Variants in CEP170 observed in about 807,000 individuals in gnomAD.
CEP170 encodes the protein centrosomal protein of 170 kDa.
Under a neutral mutation model 151.9 loss-of-function variants are expected in CEP170, and 21 were observed. The observed-to-expected ratio is 0.14, with a 90% CI of 0.10 to 0.20. The LOEUF (loss-of-function observed/expected upper bound fraction) is 0.20, where lower values mean the gene tolerates loss of function less well. Among genes scored for constraint, CEP170 ranks in the 10% least tolerant of loss-of-function variants. CEP170 has a pLI of 1.00. For missense variants in CEP170, 964 were observed against 1,892.9 expected (o/e 0.51, Z 9.11); for synonymous variants, 356 against 648.8 (o/e 0.55, Z 6.86).
At chr1:243,153,687 C>T (rs530416063) in intron 14 of CEP170, among the ~76,000 whole-genome samples, 4 of 152,096 alleles carry the variant, frequency 2.6e-5, no homozygotes, top group Non-Finnish European at 5.9e-5. Context: ...AGTGTTACTG[C>T]ACACAGTATA....
chr1:243,224,451 T>TA (rs1043533676), intron 2 of CEP170, among the ~76,000 whole-genome samples: 302 of 139,034 alleles, frequency 2.2e-3, no homozygotes, highest in Non-Finnish European at 2.4e-3. Flanking sequence ...GCTGATGAAC[T>TA]AAAAAAAAAA....
intron 1 of CEP170, among the ~76,000 whole-genome samples, chr1:243,234,003 TAGTC>T (rs2064028094): frequency 6.6e-6 from 1 of 152,150 alleles, no homozygotes; most frequent in Non-Finnish European, 1.5e-5. Context: ...CTATAAATGA[TAGTC>T]AGTGTATACA....
At chr1:243,205,559 G>C (rs1200914054) in intron 4 of CEP170, among the ~76,000 whole-genome samples, 1 of 152,180 alleles carries the variant, frequency 6.6e-6, no homozygotes, top group South Asian at 2.1e-4. Context: ...AGAACATACA[G>C]AAAGGTCTTG....
chr1:243,203,279 C>T (rs2061183069), intron 4 of CEP170, among the ~76,000 whole-genome samples: 1 of 152,158 alleles, frequency 6.6e-6, no homozygotes, highest in African/African-American at 2.4e-5. Context: ...AGTTTGAATT[C>T]TTGCTTATTA....
intron 13 of CEP170, chr1:243,163,192 A>C (rs2058202059): frequency 6.6e-6 from 1 of 152,242 alleles, no homozygotes. Context: ...ATGGTGTGGT[A>C]GATGTAAACC....
Position 243,231,193 on chromosome 1 carries a change from T to TC in CEP170, c.-41-5873_-41-5872insG, listed in dbSNP as rs1558660590. Among the ~76,000 whole-genome samples the TC allele has an allele frequency of 4.7e-3, 387 of 82,810 alleles. 1 individual carries two copies. The highest frequency in any genetic ancestry group is 0.016 in the Admixed American group (116 of 7,304). 54.3% of individuals were successfully genotyped at this position (82,810 alleles called of 152,430 possible). A position where few individuals can be genotyped will look rare whatever the true frequency, so the allele number is the denominator to read the frequency against. ...TCATCATCATCATCATCATCATCAT[T>TC]ATTATTATTATTATCATCATTATTA... On this transcript the variant is annotated intron_variant, in intron 1 of 19. Transcript: ENST00000366542.
In CEP170 at chr1:243,185,520, A is replaced by G. The variant is rs1045230452; in HGVS notation, c.1566+259T>C. Among the ~76,000 whole-genome samples the G allele has an allele frequency of 6.6e-6, 1 of 152,214 alleles. No individual in the cohort carries two copies. Among genetic ancestry groups the G allele is most frequent in the African/African-American group, 2.4e-5 (1 of 41,444 alleles). ...ATACTATTTTTAAAACCTATCTTTA[A>G]TTTACACAAATTTAAAAGGTCCAAA... On this transcript the variant is annotated intron_variant, in intron 10 of 19. Coordinates refer to ENST00000366542, the MANE Select transcript of CEP170 (RefSeq NM_014812.3). This position sits in a 1 kb window ranked among gnomAD's most constrained non-coding sequence, Gnocchi z 4.9.
chr1:243,132,518 G>A (rs1324659256), intron 17 of CEP170, among the ~76,000 whole-genome samples: 2 of 152,022 alleles, frequency 1.3e-5, no homozygotes, highest in African/African-American at 4.8e-5. Flanking sequence ...CTCAACACTC[G>A]AACTGAAGGC....
chr1:243,229,034 A>C (rs1297457895), intron 1 of CEP170, among the ~76,000 whole-genome samples: 2 of 152,332 alleles, frequency 1.3e-5, no homozygotes, highest in African/African-American at 2.4e-5. Flanking sequence ...TTTTTATATG[A>C]GACTTTCTCC....
intron 10 of CEP170, among the ~76,000 whole-genome samples, chr1:243,182,337 A>G (rs1434999823): frequency 6.6e-6 from 1 of 152,202 alleles, no homozygotes; most frequent in Non-Finnish European, 1.5e-5. Flanking sequence ...TAAGCTACCC[A>G]GTCTCAGATA....
chr1:243,162,277 G>A (rs1272141595), intron 13 of CEP170, among the ~76,000 whole-genome samples: 6 of 152,248 alleles, frequency 3.9e-5, no homozygotes, highest in East Asian at 1.9e-4. Flanking sequence ...GAATAGATAC[G>A]GTAGAAAAAC....
chr1:243,188,733 T>G (rs1206451600), intron 8 of CEP170, among the ~76,000 whole-genome samples: 1 of 152,232 alleles, frequency 6.6e-6, no homozygotes, highest in Middle Eastern at 3.2e-3. Flanking sequence ...AAGTTTTTTG[T>G]TTTAGTTTTG....
chr1:243,152,275 G>A (rs2057159356), intron 14 of CEP170, among the ~76,000 whole-genome samples: 1 of 149,772 alleles, frequency 6.7e-6, no homozygotes, highest in African/African-American at 2.5e-5. Flanking sequence ...AGGCTGGAGT[G>A]CAGTGGCGCC....
chr1:243,161,075 C>T (rs2058026424), intron 13 of CEP170, among the ~76,000 whole-genome samples: 1 of 149,060 alleles, frequency 6.7e-6, no homozygotes, highest in African/African-American at 2.5e-5. Context: ...GTAATGCCAG[C>T]ACTCTGGGAG....
chr1:243,220,206 A>T (rs990891348), intron 3 of CEP170, among the ~76,000 whole-genome samples: 1 of 152,214 alleles, frequency 6.6e-6, no homozygotes, highest in Non-Finnish European at 1.5e-5. Context: ...ATAAATGGCA[A>T]GGCAGATGGG....
chr1:243,198,436 C>A (rs1233058252), intron 7 of CEP170, among the ~76,000 whole-genome samples: 1 of 152,092 alleles, frequency 6.6e-6, no homozygotes, highest in African/African-American at 2.4e-5. Context: ...TTTCTCATTA[C>A]AATGAGCACA....
At chr1:243,221,414 T>G (rs2062809668) in intron 3 of CEP170, 1 of 281,524 alleles carries the variant, frequency 3.6e-6, no homozygotes, top group East Asian at 6.8e-5. Context: ...TTTTTACCGT[T>G]TTCCCTCATA....
chr1:243,143,484 T>C (rs1334913332), intron 14 of CEP170, among the ~76,000 whole-genome samples: 4 of 152,076 alleles, frequency 2.6e-5, no homozygotes, highest in East Asian at 1.9e-4. Context: ...AAGGTGAAAA[T>C]AGAGATTTTT....
At chr1:243,147,569 A>G (rs2056643647) in intron 14 of CEP170, among the ~76,000 whole-genome samples, 1 of 152,196 alleles carries the variant, frequency 6.6e-6, no homozygotes, top group Non-Finnish European at 1.5e-5. Flanking sequence ...GAGGTAAAAT[A>G]TTGTATAATG....
Sources: gnomAD v4.1 joint callset for allele counts (sites outside exome capture counted in the v4.1 genomes callset) on GRCh38, gnomAD v4.1.1 for gene constraint, Gnocchi (gnomAD v3.1) non-coding constraint, MANE v1.5 for transcripts, NCBI Gene and HGNC (gene_info 2026-07-23, HGNC 2026-07-21) for gene names.